Variants in SLC25A41 observed in about 807,000 individuals in gnomAD.
SLC25A41 encodes mitochondrial carrier protein SCaMC-3L.
A neutral mutation model predicts 34.7 loss-of-function variants in SLC25A41; 35 were observed. That is an observed-to-expected ratio of 1.01 (90% CI 0.77 to 1.34). The LOEUF is 1.34. SLC25A41 is among the 40% of genes most tolerant of loss of function. SLC25A41 has a pLI of 0.00. For missense variants in SLC25A41, 492 were observed against 489.8 expected, an observed-to-expected ratio of 1.00 and a Z score of -0.04; for synonymous variants, 190 against 209.9, an observed-to-expected ratio of 0.91 and a Z score of 0.82.
chr19:6,429,354 G>GGAGGA (rs2092270346), intron 4 of SLC25A41, among the ~76,000 whole-genome samples: 1 of 15,754 alleles, frequency 6.3e-5, no homozygotes, highest in Non-Finnish European at 1.5e-4. Context: ...AGGGAGAGGA[G>GGAGGA]GGAGAAAGGA....
At chr19:6,436,123 C>T (rs1369006210), upstream of SLC25A41, 7 of 213,466 alleles carry the variant, frequency 3.3e-5, no homozygotes, top group South Asian at 4.5e-4. Context: ...TGCCATGTGA[C>T]GAATTACCCC....
intron 4 of SLC25A41, among the ~76,000 whole-genome samples, chr19:6,429,384 AGAG>A (rs1568350075): frequency 4.3e-3 from 1 of 234 alleles, no homozygotes. Flanking sequence ...AAGGAAAGGA[AGAG>A]GGGAGGAGAA....
chr19:6,429,962 G>A, intron 3 of SLC25A41, 47 bp downstream of exon 3: 1 of 1,601,944 alleles, frequency 6.2e-7, no homozygotes, highest in Non-Finnish European at 8.5e-7. Flanking sequence ...GGGGGCATGG[G>A]AGGGGTTTGG....
chr19:6,433,246 G>A (rs1035785866), intron 1 of SLC25A41, among the ~76,000 whole-genome samples: 11 of 150,238 alleles, frequency 7.3e-5, no homozygotes, highest in African/African-American at 2.4e-4. Context: ...ATAGGGTTTC[G>A]GCATGTTGGC....
At chr19:6,428,066 C>T (rs901240373) in intron 4 of SLC25A41, among the ~76,000 whole-genome samples, 1 of 152,052 alleles carries the variant, frequency 6.6e-6, no homozygotes, top group South Asian at 2.1e-4. Context: ...TAAGATACTA[C>T]AATGGTGGAT....
In SLC25A41 at chr19:6,427,094, C is replaced by T; in HGVS notation, c.940+9G>A. ...GGGCATGCGTGGTGGCCGCTGGGGA[C>T]AGGCTGACCTTGGGCCTGCATCCTG... On this transcript the variant is annotated intron_variant, in intron 6 of 6. Transcript: ENST00000321510. This position sits in a 1 kb window ranked among gnomAD's most constrained non-coding sequence, Gnocchi z 4.9. 6.3e-7 allele frequency: 1 copy of T among 1,592,706 alleles called. No individual in the cohort carries two copies. The highest frequency in any genetic ancestry group is 1.1e-5 in the South Asian group (1 of 88,172).
chr19:6,429,085 T>G (rs867571803), intron 4 of SLC25A41, among the ~76,000 whole-genome samples: 609 of 41,952 alleles, frequency 0.015, 151 homozygotes, highest in African/African-American at 0.052. Context: ...ATATATATAT[T>G]ATATATATGT....
Position 6,432,277 on chromosome 19 carries a change from A to C in SLC25A41, c.208-73T>G. On this transcript the variant is annotated intron_variant, in intron 1 of 6. Transcript: ENST00000321510. ...CCTTCCCCAGACACACATCTAGGGC[A>C]CCCACCTGGTGAAAGACCCACCCTG... 2.0e-6 allele frequency: 3 copies of C among 1,506,300 alleles called. No homozygotes were observed. The South Asian group carries it at 3.9e-5, about 19-fold the overall frequency. 93.3% of individuals were successfully genotyped at this position (1,506,300 alleles called of 1,614,324 possible).
chr19:6,433,918 T>C (rs1486908005), upstream of SLC25A41: 3 of 454,258 alleles, frequency 6.6e-6, no homozygotes, highest in African/African-American at 6.0e-5. Context: ...TCGTTATAAA[T>C]TGAATTGTGT....
intron 1 of SLC25A41, among the ~76,000 whole-genome samples, 158 bp from the exon 2 acceptor site, chr19:6,432,362 G>T (rs1365167709): frequency 1.3e-5 from 2 of 151,278 alleles, no homozygotes. Flanking sequence ...GCCCAGGTTA[G>T]AGTGCAGTGG....
upstream of SLC25A41, among the ~76,000 whole-genome samples, chr19:6,434,908 C>T (rs535473127): frequency 3.0e-4 from 28 of 93,636 alleles, 1 homozygote; most frequent in African/African-American, 4.4e-4. Context: ...GACTCCATCT[C>T]AAACAAACAA....
chr19:6,430,320 C>G (rs1267342764), intron 2 of SLC25A41, among the ~76,000 whole-genome samples, 159 bp from the exon 3 acceptor site: 2 of 151,802 alleles, frequency 1.3e-5, no homozygotes, highest in African/African-American at 2.4e-5. Flanking sequence ...CCGGCCAGTT[C>G]TAGAATCGCA....
rs1233263721 is a variant in SLC25A41 at position 6,426,289 on chromosome 19, C to G, written c.*100G>C. ...CCTGCTTTTGCCACCAAAAACTGCC[C>G]CAGGGCCTGAACCTTGAGGCCTCGA... On this transcript the variant is annotated 3_prime_UTR_variant, in exon 7 of 7. Transcript: ENST00000321510. 2 of 1,299,788 alleles carry G rather than the reference C, an allele frequency of 1.5e-6. No individual in the cohort carries two copies. Among genetic ancestry groups the G allele is most frequent in the African/African-American group, 1.5e-5 (1 of 67,544 alleles). The allele number at this position is 1,299,788 out of a possible 1,614,324, so 80.5% of individuals were successfully genotyped here.
At chr19:6,428,642 T>A (rs984571583) in intron 4 of SLC25A41, among the ~76,000 whole-genome samples, 4 of 147,432 alleles carry the variant, frequency 2.7e-5, no homozygotes, top group Non-Finnish European at 4.5e-5. Context: ...ATATACATGT[T>A]ATATGTACTA....
chr19:6,431,628 G>A (rs1261394536), intron 2 of SLC25A41, among the ~76,000 whole-genome samples: 1 of 151,870 alleles, frequency 6.6e-6, no homozygotes, highest in Admixed American at 6.6e-5. Context: ...TTTTAGTAGA[G>A]ACAGGGTTTC....
chr19:6,426,223 T>G lies in SLC25A41; in HGVS notation c.*166A>C. 1.7e-6 allele frequency: 1 copy of G among 586,516 alleles called. No homozygotes were observed. The highest frequency in any genetic ancestry group is 2.7e-6 in the Non-Finnish European group (1 of 370,586). 36.3% of individuals were successfully genotyped at this position (586,516 alleles called of 1,614,324 possible). A position where few individuals can be genotyped will look rare whatever the true frequency, so the allele number is the denominator to read the frequency against. The stretch of plus-strand genomic sequence containing the variant: ...CCCTCCACCCACCACCAACCCCAGC[T>G]TCAGGAATCTTCTGACCCAGAGCCC... On this transcript the variant is annotated 3_prime_UTR_variant, in exon 7 of 7. Coordinates refer to ENST00000321510, the MANE Select transcript of SLC25A41 (RefSeq NM_173637.4).
Position 6,429,902 on chromosome 19 carries a change from G to T in SLC25A41, c.517-71C>A. The T allele has an allele frequency of 1.9e-6, 3 of 1,590,150 alleles. No individual in the cohort carries two copies. In the South Asian group the frequency reaches 3.4e-5, roughly 18 times the overall value. On this transcript the variant is annotated intron_variant, in intron 3 of 6. Coordinates refer to ENST00000321510, the MANE Select transcript of SLC25A41 (RefSeq NM_173637.4). ...GACACAAAACCCGCGCAGGGAAGAGGCCTGGGGTCTGGAGGGTGAGTGTGT... is the reference window on the plus strand; with the variant it reads ...GACACAAAACCCGCGCAGGGAAGAGTCCTGGGGTCTGGAGGGTGAGTGTGT...
In SLC25A41 at chr19:6,429,767, G is replaced by T. The variant is rs369099824; in HGVS notation, c.581C>A (p.Ser194Tyr). 20 of 1,609,416 alleles carry T rather than the reference G, an allele frequency of 1.2e-5. No homozygotes were observed. In the African/African-American group the frequency reaches 2.5e-4, roughly 21 times the overall value. ...GGTCTGGGAGATGGCCACAGCCAGGGAGCCAGCAAGGAGACGCTCCTGGAA... is the reference window on the plus strand; with the variant it reads ...GGTCTGGGAGATGGCCACAGCCAGGTAGCCAGCAAGGAGACGCTCCTGGAA... ...PPFQERLLAG[S>Y]LAVAISQTLI... is the part of the protein sequence containing the mutation. Residue 194 changes from serine (S) to tyrosine (Y), a missense_variant, in exon 4 of 7, where the codon TCC becomes TAC. Coordinates refer to ENST00000321510, the MANE Select transcript of SLC25A41 (RefSeq NM_173637.4).
chr19:6,433,031 G>A (rs1259521121), intron 1 of SLC25A41, among the ~76,000 whole-genome samples: 2 of 151,922 alleles, frequency 1.3e-5, no homozygotes, highest in Admixed American at 6.6e-5. Flanking sequence ...ATGTAATTAG[G>A]ACTATATCTA....
Sources: allele counts gnomAD v4.1 joint callset (sites outside exome capture counted in the v4.1 genomes callset), GRCh38; gene constraint gnomAD v4.1.1; non-coding constraint Gnocchi (gnomAD v3.1); transcripts MANE v1.5; gene names NCBI Gene and HGNC (gene_info 2026-07-23, HGNC 2026-07-21).